The following SPARCL1 variants were observed in gnomAD, a reference collection of about 807,000 sequenced individuals.
The protein encoded by SPARCL1 is SPARC-like protein 1.
Under a neutral mutation model 67.1 loss-of-function variants are expected in SPARCL1, and 52 were observed. The ratio of observed to expected loss-of-function variants is 0.78; its 90% CI spans 0.62 to 0.98. The LOEUF (loss-of-function observed/expected upper bound fraction) is 0.98. Among genes scored for constraint, SPARCL1 ranks in the 50% least tolerant of loss-of-function variants. The pLI, the probability that SPARCL1 is intolerant of heterozygous loss-of-function variation, is 0.00. For missense variants in SPARCL1, 717 were observed against 782.4 expected (o/e 0.92, Z 1.00); for synonymous variants, 226 against 267.8 (o/e 0.84, Z 1.52).
intron 1 of SPARCL1, among the ~76,000 whole-genome samples, chr4:87,520,379 A>C (rs1206311610): frequency 1.3e-5 from 2 of 152,126 alleles, no homozygotes; most frequent in Non-Finnish European, 2.9e-5. Context: ...CGGAAAAAAA[A>C]GTGTGTGGGA....
rs545675473 is a variant in SPARCL1, at chr4:87,496,967, G to C, written c.55-1840C>G. Among the ~76,000 whole-genome samples, 89 of 152,288 alleles carry C rather than the reference G, an allele frequency of 5.8e-4. 1 individual carries two copies. The highest frequency in any genetic ancestry group is 1.9e-3 in the African/African-American group (80 of 41,564). On this transcript the variant is annotated intron_variant, in intron 2 of 10. Transcript: ENST00000282470. ...GCTCACTGTAACCTCCACCTGCTGG[G>C]TTCAAGCAATTCTCATGCCTCAGCC...
intron 7 of SPARCL1, among the ~76,000 whole-genome samples, chr4:87,487,666 T>A (rs1417429772): frequency 6.6e-6 from 1 of 152,238 alleles, no homozygotes; most frequent in Non-Finnish European, 1.5e-5. Context: ...GAAGTTCTCC[T>A]GGATAATATC....
intron 1 of SPARCL1, among the ~76,000 whole-genome samples, chr4:87,507,555 A>C (rs1393001972): frequency 2.0e-5 from 3 of 152,150 alleles, no homozygotes; most frequent in Non-Finnish European, 4.4e-5. Flanking sequence ...AAAATCTCTA[A>C]CTGCTTTTCC....
At chr4:87,509,087 TATATA>T (rs1262777789) in intron 1 of SPARCL1, among the ~76,000 whole-genome samples, 7 of 148,680 alleles carry the variant, frequency 4.7e-5, no homozygotes, top group Non-Finnish European at 7.4e-5. Context: ...TATCTATAAA[TATATA>T]ATATATTTAT....
chr4:87,477,972 T>C (rs893735415), intron 10 of SPARCL1, among the ~76,000 whole-genome samples: 2 of 152,232 alleles, frequency 1.3e-5, no homozygotes, highest in Non-Finnish European at 2.9e-5. Flanking sequence ...CCCTCTCTGC[T>C]TACCTATTTA....
chr4:87,503,585 T>C (rs9993980), intron 1 of SPARCL1, among the ~76,000 whole-genome samples: 68,585 of 151,586 alleles, frequency 0.45, 16,495 homozygotes, highest in East Asian at 0.75. Flanking sequence ...TATTTTCCTC[T>C]GTCATTATCA....
At chr4:87,504,792 A>G (rs1725007844) in intron 1 of SPARCL1, 1 of 152,252 alleles carries the variant, frequency 6.6e-6, no homozygotes, top group Non-Finnish European at 1.5e-5. Flanking sequence ...AAAAAGTTCC[A>G]AACATTTTAA....
At position 87,490,810 on chromosome 4, in the gene SPARCL1, A is replaced by T; in HGVS notation, c.1360T>A (p.Cys454Ser). 6.2e-7 allele frequency: 1 copy of T among 1,613,176 alleles called. No individual in the cohort carries two copies. The highest frequency in any genetic ancestry group is 8.5e-7 in the Non-Finnish European group (1 of 1,179,466). Residue 454 changes from cysteine to serine, a missense_variant, in exon 6 of 11, where the codon TGT becomes AGT. Physicochemically the swap from Cys to Ser is moderately radical, Grantham distance 112. Coordinates refer to ENST00000282470, the MANE Select transcript of SPARCL1 (RefSeq NM_004684.6). ...CKADQQGKPHCVCQDPVTCPP... is the reference protein window; with the variant it reads ...CKADQQGKPHSVCQDPVTCPP... ...CAAGTCACTGGATCCTGGCAGACAC[A>T]GTGAGGTTTTCCCTGTTGGTCTGCC...
At chr4:87,482,337 T>C in intron 8 of SPARCL1, 87 bp downstream of exon 8, 1 of 1,436,170 alleles carries the variant, frequency 7.0e-7, no homozygotes, top group African/African-American at 1.4e-5. Context: ...TTTGCCAGTA[T>C]GCAGAGGTAG....
At chr4:87,510,003 G>A (rs1290057246) in intron 1 of SPARCL1, among the ~76,000 whole-genome samples, 1 of 152,200 alleles carries the variant, frequency 6.6e-6, no homozygotes, top group African/African-American at 2.4e-5. Context: ...ACTGGTTTGT[G>A]AGAGCTGTTT....
intron 1 of SPARCL1, among the ~76,000 whole-genome samples, chr4:87,517,843 T>C (rs2110261013): frequency 6.6e-6 from 1 of 152,320 alleles, no homozygotes. Flanking sequence ...AAACAACAAA[T>C]AATACCAAAG....
intron 2 of SPARCL1, 92 bp from the exon 3 acceptor site, chr4:87,495,219 C>G (rs17012705): frequency 0.02 from 20,596 of 1,007,336 alleles, 401 homozygotes; most frequent in African/African-American, 0.059. Context: ...TTATTAGTAG[C>G]AATATACTTC....
chr4:87,480,468 A>T lies in SPARCL1; in HGVS notation c.1721T>A (p.Ile574Asn). The T allele has an allele frequency of 4.3e-6, 7 of 1,613,066 alleles. No homozygotes were observed. The highest frequency in any genetic ancestry group is 5.9e-6 in the Non-Finnish European group (7 of 1,179,522). The change falls in exon 9 of 11, where the codon ATT (isoleucine) becomes AAT (asparagine). Residue 574 changes from isoleucine to asparagine, a missense_variant. Ile to Asn is a moderately radical substitution (Grantham distance 149, BLOSUM62 -3). Transcript: ENST00000282470. Reference sequence around the variant, plus strand: ...CTTAAAGTCCCTTAAGAGAAGATCAATGGGATGGTCCCCAGCCAAAAGCCT... The same window carrying T: ...CTTAAAGTCCCTTAAGAGAAGATCATTGGGATGGTCCCCAGCCAAAAGCCT... ...EKRLLAGDHP[I>N]DLLLRDFKKN...
At chr4:87,528,304 C>A (rs1248230194) in intron 1 of SPARCL1, 1 of 151,964 alleles carries the variant, frequency 6.6e-6, no homozygotes, top group East Asian at 1.9e-4. Flanking sequence ...AATGGTAGTA[C>A]ATTATAATAT....
chr4:87,482,988 A>G (rs952224906), intron 7 of SPARCL1, among the ~76,000 whole-genome samples: 2 of 152,172 alleles, frequency 1.3e-5, no homozygotes, highest in African/African-American at 4.8e-5. Flanking sequence ...GCTTAAAGAA[A>G]CAGAAGTCAA....
intron 7 of SPARCL1, among the ~76,000 whole-genome samples, chr4:87,482,924 A>G (rs1723891737): frequency 6.6e-6 from 1 of 152,132 alleles, no homozygotes; most frequent in African/African-American, 2.4e-5. Flanking sequence ...TTGAATAGAG[A>G]AAAAGGTAGC....
intron 5 of SPARCL1, 92 bp from the exon 6 acceptor site, chr4:87,490,970 A>G (rs1007582768): frequency 6.2e-6 from 5 of 805,234 alleles, no homozygotes; most frequent in Non-Finnish European, 9.6e-6. Context: ...TCACTAATGA[A>G]GGGGAAATTT....
intron 1 of SPARCL1, among the ~76,000 whole-genome samples, chr4:87,511,992 T>C (rs1169875383): frequency 8.8e-6 from 1 of 113,200 alleles, no homozygotes; most frequent in Non-Finnish European, 1.7e-5. Context: ...TGAGACAGAG[T>C]CTCACTCTGT....
intron 8 of SPARCL1, among the ~76,000 whole-genome samples, chr4:87,481,199 G>A (rs1009749864): frequency 3.9e-5 from 6 of 152,122 alleles, no homozygotes; most frequent in Admixed American, 2.0e-4. Flanking sequence ...TGCTCCCTGC[G>A]ACCTTCCTGT....
Sources: gnomAD v4.1 joint callset for allele counts (sites outside exome capture counted in the v4.1 genomes callset) on GRCh38, gnomAD v4.1.1 for gene constraint, MANE v1.5 for transcripts, NCBI Gene and HGNC (gene_info 2026-07-23, HGNC 2026-07-21) for gene names.